Variants in HDAC5 observed in about 807,000 individuals in gnomAD.
HDAC5 encodes antigen NY-CO-9.
A neutral mutation model predicts 133.3 loss-of-function variants in HDAC5; 25 were observed. That is an observed-to-expected ratio of 0.19 (90% CI 0.14 to 0.26). The LOEUF (loss-of-function observed/expected upper bound fraction) is 0.26. HDAC5 is among the 10% of genes least tolerant of loss of function. The pLI is 1.00. For synonymous variants in HDAC5, 589 were observed against 610.8 expected (o/e 0.96, Z 0.53); for missense variants, 1,041 against 1,460.5 (o/e 0.71, Z 4.68).
intron 13 of HDAC5, 97 bp downstream of exon 13, chr17:44,087,315 A>C: frequency 1.5e-6 from 1 of 678,230 alleles, no homozygotes; most frequent in Non-Finnish European, 2.7e-6. Context: ...CAGCCTGGAA[A>C]CTGCAGATGG....
chr17:44,110,907 G>A (rs776825371), intron 2 of HDAC5, 107 bp from the exon 3 acceptor site: 3 of 936,160 alleles, frequency 3.2e-6, no homozygotes, highest in Non-Finnish European at 3.3e-6. Context: ...CAGAGGCGGG[G>A]AGCAGACCGA....
intron 20 of HDAC5, 180 bp downstream of exon 20, chr17:44,082,405 A>G (rs2050437250): frequency 1.7e-6 from 1 of 600,172 alleles, no homozygotes; most frequent in Non-Finnish European, 3.0e-6. Context: ...CCCTGTTGGA[A>G]TGTGACGTTA....
chr17:44,121,412 A>AC (rs938110975), intron 1 of HDAC5, among the ~76,000 whole-genome samples: 10 of 128,892 alleles, frequency 7.8e-5, no homozygotes, highest in Admixed American at 1.5e-4. Flanking sequence ...GCCAAGAACC[A>AC]CCCCCCCTTG....
chr17:44,100,578 C>CAAAAA (rs869274112), intron 3 of HDAC5, among the ~76,000 whole-genome samples: 89 of 89,126 alleles, frequency 1.0e-3, no homozygotes, highest in African/African-American at 1.3e-3. Flanking sequence ...ACTAAAGATA[C>CAAAAA]AAAAAAAAAA....
intron 18 of HDAC5, 113 bp downstream of exon 18, chr17:44,083,432 T>C (rs770556291): frequency 1.4e-5 from 10 of 714,536 alleles, no homozygotes; most frequent in Non-Finnish European, 2.1e-5. Flanking sequence ...GCCTGAGAGT[T>C]GAGCTTGCAA....
intron 1 of HDAC5, among the ~76,000 whole-genome samples, chr17:44,118,297 TCTCC>T (rs2052773854): frequency 2.0e-5 from 3 of 152,184 alleles, no homozygotes; most frequent in Non-Finnish European, 4.4e-5. Flanking sequence ...GTCAGAGACC[TCTCC>T]ATCCCAAATC....
intron 2 of HDAC5, among the ~76,000 whole-genome samples, chr17:44,114,450 C>G (rs888885360): frequency 3.4e-5 from 5 of 148,546 alleles, no homozygotes; most frequent in African/African-American, 7.5e-5. Flanking sequence ...GGGGGGGGGG[C>G]TGCTGCCCTC....
intron 11 of HDAC5, among the ~76,000 whole-genome samples, chr17:44,089,545 G>A (rs1653758526): frequency 6.6e-6 from 1 of 152,088 alleles, no homozygotes; most frequent in Non-Finnish European, 1.5e-5. Flanking sequence ...AGGAGTTCAA[G>A]ACCAGCCTGG....
At chr17:44,084,439 C>T in intron 16 of HDAC5, 116 bp downstream of exon 16, 1 of 1,260,470 alleles carries the variant, frequency 7.9e-7, no homozygotes, top group East Asian at 2.4e-5. Context: ...TCTGCCGCAG[C>T]AATGCCCTAT....
At chr17:44,085,363 G>A in intron 14 of HDAC5, 2 of 439,856 alleles carry the variant, frequency 4.5e-6, no homozygotes, top group Non-Finnish European at 8.1e-6. Flanking sequence ...GTCTCACTCT[G>A]TCACCCAGGC....
intron 1 of HDAC5, chr17:44,123,247 C>T: frequency 1.0e-5 from 3 of 295,308 alleles, no homozygotes; most frequent in Non-Finnish European, 1.9e-5. Flanking sequence ...GCGGGCCCCT[C>T]CCTTACCTGT....
At chr17:44,092,094 TG>T (rs1229359657) in intron 9 of HDAC5, 77 bp downstream of exon 9, 2 of 1,291,028 alleles carry the variant, frequency 1.5e-6, no homozygotes, top group Non-Finnish European at 2.2e-6. Flanking sequence ...GCAGACAGAC[TG>T]GAAGGAGCTG....
intron 2 of HDAC5, chr17:44,111,188 G>A: frequency 3.0e-6 from 1 of 331,224 alleles, no homozygotes; most frequent in Non-Finnish European, 6.0e-6. Flanking sequence ...TCCCAACCCT[G>A]GGTGACAGCT....
At chr17:44,086,426 G>A (rs1314433138) in intron 14 of HDAC5, 146 bp downstream of exon 14, 1 of 555,784 alleles carries the variant, frequency 1.8e-6, no homozygotes, top group Non-Finnish European at 2.8e-6. Context: ...CAGCTCTGGG[G>A]TACAGGGAGA....
chr17:44,078,309 T>C lies in HDAC5; in HGVS notation c.*67A>G, dbSNP rs1356423012. ...GCACACCTTGTTGAATGTGTGACTT[T>C]TTGTTTTTAATAGAAAAAATAAACA... is the stretch of plus-strand genomic sequence containing the variant. On this transcript the variant is annotated 3_prime_UTR_variant, in exon 27 of 27. Coordinates refer to ENST00000682912, the MANE Select transcript of HDAC5 (RefSeq NM_005474.5). The C allele has an allele frequency of 6.8e-7, 1 of 1,468,024 alleles. No homozygotes were observed. The highest frequency in any genetic ancestry group is 2.8e-5 in the Admixed American group (1 of 36,154). 90.9% of individuals were successfully genotyped at this position (1,468,024 alleles called of 1,614,324 possible). A position where few individuals can be genotyped will look rare whatever the true frequency, so the allele number is the denominator to read the frequency against.
chr17:44,082,439 C>A, intron 20 of HDAC5, 146 bp downstream of exon 20: 2 of 636,644 alleles, frequency 3.1e-6, no homozygotes, highest in South Asian at 1.9e-5. Context: ...AGCCCCAGCG[C>A]CCTTCCTTCT....
At chr17:44,094,981 A>G (rs2051177749) in intron 3 of HDAC5, among the ~76,000 whole-genome samples, 2 of 152,050 alleles carry the variant, frequency 1.3e-5, no homozygotes, top group South Asian at 4.1e-4. Context: ...TTTTTAGTAG[A>G]GACAGGGTCT....
intron 23 of HDAC5, 77 bp downstream of exon 23, chr17:44,080,030 T>G (rs1261732622): frequency 9.7e-7 from 1 of 1,031,270 alleles, no homozygotes; most frequent in East Asian, 2.4e-5. Context: ...AATATCAGTC[T>G]GTTCCCTGCC....
intron 12 of HDAC5, among the ~76,000 whole-genome samples, chr17:44,088,063 C>T (rs760602996): frequency 2.0e-5 from 3 of 152,122 alleles, no homozygotes; most frequent in Admixed American, 6.6e-5. Context: ...GGCTGCAGTG[C>T]AATGGTGCGA....
Sources: gnomAD v4.1 joint callset for allele counts (sites outside exome capture counted in the v4.1 genomes callset) on GRCh38, gnomAD v4.1.1 for gene constraint, MANE v1.5 for transcripts, NCBI Gene and HGNC (gene_info 2026-07-23, HGNC 2026-07-21) for gene names.